NOL9: variants seen among roughly 807,000 people sequenced by gnomAD.
NOL9 encodes polynucleotide 5'-hydroxyl-kinase NOL9.
Under a neutral mutation model 67.9 loss-of-function variants are expected in NOL9, and 28 were observed. The ratio of observed to expected loss-of-function variants is 0.41; its 90% CI spans 0.31 to 0.57. The LOEUF (loss-of-function observed/expected upper bound fraction) is 0.57. Ranked by LOEUF, NOL9 falls within the 20% of genes least tolerant of loss-of-function variation. The pLI is 0.25. For synonymous variants in NOL9, 356 were observed against 352.2 expected, an observed-to-expected ratio of 1.01 and a Z score of -0.12; for missense variants, 777 against 897.0, an observed-to-expected ratio of 0.87 and a Z score of 1.71.
intron 1 of NOL9, among the ~76,000 whole-genome samples, chr1:6,551,607 A>ATAAATAAAAAT: frequency 6.6e-6 from 1 of 152,102 alleles, no homozygotes; most frequent in South Asian, 2.1e-4. Flanking sequence ...AAATAAATAA[A>ATAAATAAAAAT]TAAATAAAAA....
intron 7 of NOL9, 49 bp from the exon 8 acceptor site, chr1:6,532,809 G>A (rs576468797): frequency 3.5e-5 from 53 of 1,505,036 alleles, no homozygotes; most frequent in Admixed American, 1.4e-4. Context: ...GAACAGTGAC[G>A]CGCTCAAGAA....
intron 6 of NOL9, among the ~76,000 whole-genome samples, chr1:6,540,124 C>CTTTTTTTTTTT (rs770304509): frequency 1.2e-4 from 13 of 104,380 alleles, no homozygotes; most frequent in East Asian, 3.0e-4. Flanking sequence ...GAGAGTTATT[C>CTTTTTTTTTTT]TTTTTTTTTT....
intron 1 of NOL9, among the ~76,000 whole-genome samples, chr1:6,552,294 G>T (rs1464409311): frequency 1.3e-5 from 2 of 152,156 alleles, no homozygotes; most frequent in Admixed American, 1.3e-4. Flanking sequence ...TAAAAGTGCT[G>T]GGATTACAGG....
At chr1:6,549,219 T>C (rs1331704260) in intron 3 of NOL9, 1 of 185,108 alleles carries the variant, frequency 5.4e-6, no homozygotes, top group Non-Finnish European at 1.1e-5. Context: ...GTCGCACCAC[T>C]GCACTCCAGC....
chr1:6,541,491 G>A (rs1217442779), intron 6 of NOL9, among the ~76,000 whole-genome samples: 2 of 152,108 alleles, frequency 1.3e-5, no homozygotes, highest in Non-Finnish European at 2.9e-5. Flanking sequence ...CTGATTAACA[G>A]TATTGATTCA....
chr1:6,554,139 C>G lies in NOL9; in HGVS notation c.364G>C (p.Gly122Arg), dbSNP rs1270090466. ...ACCGGCAGCAGCAGCAACGCGCGGC[C>G]GGGGCCCACGGGCCGCACCGGTGGG... ...LIPPVRPVGP[G>R]RALLLLPVEQ... Residue 122 changes from glycine (G) to arginine (R), a missense_variant, in exon 1 of 12, where the codon GGC becomes CGC. Physicochemically the swap from Gly to Arg is moderately radical, Grantham distance 125. Coordinates refer to ENST00000377705, the MANE Select transcript of NOL9 (RefSeq NM_024654.5). 2.0e-6 allele frequency: 3 copies of G among 1,529,924 alleles called. No individual in the cohort carries two copies. The highest frequency in any genetic ancestry group is 1.2e-5 in the South Asian group (1 of 83,290). The allele number at this position is 1,529,924 out of a possible 1,614,324, so 94.8% of individuals were successfully genotyped here.
At chr1:6,530,931 T>C (rs1006852525) in intron 9 of NOL9, among the ~76,000 whole-genome samples, 10 of 152,178 alleles carry the variant, frequency 6.6e-5, no homozygotes, top group African/African-American at 2.4e-4. Context: ...GACTACACCA[T>C]TTTGGGCAAG....
At chr1:6,539,943 G>A (rs1034581925) in intron 6 of NOL9, among the ~76,000 whole-genome samples, 1 of 152,132 alleles carries the variant, frequency 6.6e-6, no homozygotes, top group African/African-American at 2.4e-5. Context: ...AAGTCTCTAG[G>A]GGCTAGGAAA....
chr1:6,539,563 C>A (rs190571415), intron 6 of NOL9, among the ~76,000 whole-genome samples: 1 of 152,246 alleles, frequency 6.6e-6, no homozygotes, highest in African/African-American at 2.4e-5. Context: ...CAGCTCACTG[C>A]AGCCTCTACC....
Position 6,526,461 on chromosome 1 carries a change from G to C in NOL9, c.1959+235C>G, listed in dbSNP as rs74499775. ...CAACACAACCTACTCCTATGTAAAG[G>C]CTCCACCACGGGTTGCAGTGAGCCC... On this transcript the variant is annotated intron_variant, in intron 11 of 11. Transcript: ENST00000377705. Among the ~76,000 whole-genome samples, 1,336 of 152,184 alleles carry C rather than the reference G, an allele frequency of 8.8e-3. 21 individuals carry two copies. The highest frequency in any genetic ancestry group is 0.03 in the African/African-American group (1,265 of 41,520).
At chr1:6,532,909 A>G in intron 7 of NOL9, 149 bp from the exon 8 acceptor site, 2 of 801,828 alleles carry the variant, frequency 2.5e-6, no homozygotes, top group Non-Finnish European at 3.8e-6. Context: ...ACAGTGGCTC[A>G]TGTTTGTAAT....
At chr1:6,535,653 A>T (rs1433219173) in intron 6 of NOL9, among the ~76,000 whole-genome samples, 19 of 152,216 alleles carry the variant, frequency 1.2e-4, no homozygotes, top group Admixed American at 1.2e-3. Flanking sequence ...TCAGCTGGGC[A>T]TGGTGGCTTA....
Position 6,524,597 on chromosome 1 carries a change from T to C in NOL9, c.*1257A>G, listed in dbSNP as rs11811007. 26,463 of 152,144 alleles carry C rather than the reference T, an allele frequency of 0.17. 3,096 individuals carry two copies. Among genetic ancestry groups the C allele is most frequent in the African/African-American group, 0.33 (13,783 of 41,434 alleles). The allele number at this position is 152,144 out of a possible 1,614,324, so 9.4% of individuals were successfully genotyped here. A position where few individuals can be genotyped will look rare whatever the true frequency, so the allele number is the denominator to read the frequency against. ...CCTCCCACAGGCAATAATGGAGCTT[T>C]CCCAAGAGCTGGTCTGCCAGTCCTT... On this transcript the variant is annotated 3_prime_UTR_variant, in exon 12 of 12. Transcript: ENST00000377705.
chr1:6,548,044 T>C, intron 3 of NOL9: 1 of 275,022 alleles, frequency 3.6e-6, no homozygotes, highest in South Asian at 4.1e-5. Flanking sequence ...TAAAATTGTT[T>C]GTCTCTGTAC....
At chr1:6,530,191 G>A (rs1172290665) in intron 9 of NOL9, among the ~76,000 whole-genome samples, 1 of 152,102 alleles carries the variant, frequency 6.6e-6, no homozygotes, top group Non-Finnish European at 1.5e-5. Flanking sequence ...CAGAGGACAC[G>A]CCTGTAATCC....
intron 11 of NOL9, 29 bp from the exon 12 acceptor site, chr1:6,526,032 A>G (rs1401683822): frequency 3.1e-6 from 5 of 1,607,800 alleles, no homozygotes; most frequent in South Asian, 2.2e-5. Context: ...GAATGCATGG[A>G]AACACTCCAG....
intron 10 of NOL9, 142 bp downstream of exon 10, chr1:6,528,852 C>T (rs1399772112): frequency 4.3e-6 from 3 of 705,624 alleles, no homozygotes; most frequent in Non-Finnish European, 6.8e-6. Context: ...CCTCCAGCCC[C>T]TAAGGCGTGC....
chr1:6,531,946 T>C (rs1374694158), intron 9 of NOL9, 22 bp downstream of exon 9: 1 of 1,584,260 alleles, frequency 6.3e-7, no homozygotes, highest in Non-Finnish European at 8.7e-7. Flanking sequence ...TGAAGACAAT[T>C]TCTCCTGTAA....
intron 3 of NOL9, among the ~76,000 whole-genome samples, chr1:6,547,405 T>A (rs1639441960): frequency 6.6e-6 from 1 of 152,084 alleles, no homozygotes. Flanking sequence ...CCTGCTGTGA[T>A]TCCTTGATTC....
Sources: gnomAD v4.1 joint callset for allele counts (sites outside exome capture counted in the v4.1 genomes callset) on GRCh38, gnomAD v4.1.1 for gene constraint, MANE v1.5 for transcripts, NCBI Gene and HGNC (gene_info 2026-07-23, HGNC 2026-07-21) for gene names.